Variants in NCAPH2 observed in about 807,000 individuals in gnomAD.
NCAPH2 encodes condensin-2 complex subunit H2.
NCAPH2 carries 56 observed loss-of-function variants against 88.6 expected under a neutral mutation model. That is an observed-to-expected ratio of 0.63 (90% CI 0.51 to 0.79). The LOEUF (loss-of-function observed/expected upper bound fraction) is 0.79, where lower values mean the gene tolerates loss of function less well. Among genes scored for constraint, NCAPH2 ranks in the 30% least tolerant of loss-of-function variants. The pLI, the probability that NCAPH2 is intolerant of heterozygous loss-of-function variation, is 0.00. For missense variants in NCAPH2, 794 were observed against 792.0 expected, an observed-to-expected ratio of 1.00 and a Z score of -0.03; for synonymous variants, 378 against 313.6, an observed-to-expected ratio of 1.21 and a Z score of -2.17.
At chr22:50,518,346 G>A in intron 7 of NCAPH2, 68 bp downstream of exon 7, 1 of 1,568,890 alleles carries the variant, frequency 6.4e-7, no homozygotes, top group Non-Finnish European at 8.6e-7. Context: ...CTCTTGTGGG[G>A]TGCCCTGTGC....
intron 1 of NCAPH2, among the ~76,000 whole-genome samples, chr22:50,512,163 C>T (rs2068801983): frequency 6.6e-6 from 1 of 152,242 alleles, no homozygotes. Flanking sequence ...GGGCAGGGAC[C>T]ATACTTATGC....
intron 10 of NCAPH2, among the ~76,000 whole-genome samples, chr22:50,521,255 C>T (rs753261905): frequency 3.9e-5 from 6 of 152,192 alleles, no homozygotes; most frequent in Admixed American, 1.3e-4. Context: ...GTCGGCTCTG[C>T]CCCAGGCTGT....
rs751567124 is a variant in NCAPH2 at position 50,522,875 on chromosome 22, C to A, written c.1480C>A (p.Arg494Ser). Residue 494 changes from arginine to serine, a missense_variant, in exon 18 of 20, where the codon CGC becomes AGC. By Grantham distance (110) the Arg-to-Ser change is moderately radical. Around this residue, in one of 2 missense-constraint regions of NCAPH2, gnomAD observed 735 missense variants for 696.3 expected, o/e 1.06. Coordinates refer to ENST00000420993, the MANE Select transcript of NCAPH2 (RefSeq NM_152299.4). ...KFVQETELSQ[R>S]IRDWEDTVQP... ...TGTCCAGGAGACAGAGCTGAGCCAG[C>A]GCATCAGGGACTGGGAGGACACAGT... 5.0e-6 allele frequency: 8 copies of A among 1,613,420 alleles called. No individual in the cohort carries two copies. The highest frequency in any genetic ancestry group is 6.8e-6 in the Non-Finnish European group (8 of 1,180,006).
At chr22:50,510,552 C>T (rs770488732) in intron 1 of NCAPH2, among the ~76,000 whole-genome samples, 10 of 152,002 alleles carry the variant, frequency 6.6e-5, no homozygotes, top group East Asian at 5.8e-4. Context: ...CTTGGCCTCC[C>T]GAGTAGCTGG....
chr22:50,521,677 G>C, intron 11 of NCAPH2, 64 bp from the exon 12 acceptor site: 1 of 1,610,458 alleles, frequency 6.2e-7, no homozygotes, highest in African/African-American at 1.3e-5. Flanking sequence ...GAGGTGGGGG[G>C]GTGGGAGTGG....
chr22:50,508,892 C>T (rs1433303103), intron 1 of NCAPH2, among the ~76,000 whole-genome samples: 1 of 152,154 alleles, frequency 6.6e-6, no homozygotes, highest in Non-Finnish European at 1.5e-5. Context: ...GTGTTTCTTC[C>T]ATGTTTGACA....
At chr22:50,510,989 G>A (rs1052432249) in intron 1 of NCAPH2, among the ~76,000 whole-genome samples, 1 of 150,750 alleles carries the variant, frequency 6.6e-6, no homozygotes, top group Non-Finnish European at 1.5e-5. Context: ...TGGGACTACA[G>A]GCACCTGCCA....
chr22:50,519,862 ACTGTTTGTGTTTT>A, intron 9 of NCAPH2: 1 of 716,364 alleles, frequency 1.4e-6, no homozygotes, highest in Non-Finnish European at 1.7e-6. Flanking sequence ...CCCCGTGACC[ACTGTTTGTGTTTT>A]CTGTTTGTTT....
Position 50,521,440 on chromosome 22 carries a change from C to T in NCAPH2, c.934-103C>T, listed in dbSNP as rs920488778. 6.5e-6 allele frequency: 8 copies of T among 1,231,292 alleles called. No homozygotes were observed. The Admixed American group carries it at 1.2e-4, about 19-fold the overall frequency. 76.3% of individuals were successfully genotyped at this position (1,231,292 alleles called of 1,614,324 possible). Reference sequence around the variant, plus strand: ...CCTTTGGGAGCGCGGCTGTGTACCCCCTACTCTTCCTTTGGGAGGGTGGCT... The same window carrying T: ...CCTTTGGGAGCGCGGCTGTGTACCCTCTACTCTTCCTTTGGGAGGGTGGCT... On this transcript the variant is annotated intron_variant, in intron 10 of 19. Coordinates refer to ENST00000420993, the MANE Select transcript of NCAPH2 (RefSeq NM_152299.4).
intron 10 of NCAPH2, 136 bp downstream of exon 10, chr22:50,521,172 A>T (rs1416007707): frequency 3.1e-6 from 3 of 979,512 alleles, no homozygotes; most frequent in African/African-American, 1.6e-5. Flanking sequence ...GCTCTCTTAA[A>T]GACCCCCTCA....
At chr22:50,521,086 G>A (rs760933218) in intron 10 of NCAPH2, 50 bp downstream of exon 10, 13 of 1,536,862 alleles carry the variant, frequency 8.5e-6, no homozygotes, top group African/African-American at 6.9e-5. Flanking sequence ...GGGCGGATTC[G>A]AGGACTGGCT....
Position 50,523,680 on chromosome 22 carries a change from G to A in NCAPH2, c.*305G>A. On this transcript the variant is annotated 3_prime_UTR_variant, in exon 20 of 20. Transcript: ENST00000420993. Reference sequence around the variant, plus strand: ...TGTCTGAGATCTGCTCAGCCGATCTGCTCCGGCCGTAGTAATCCGTGAAGA... The same window carrying A: ...TGTCTGAGATCTGCTCAGCCGATCTACTCCGGCCGTAGTAATCCGTGAAGA... 1 of 1,614,138 alleles carries A rather than the reference G, an allele frequency of 6.2e-7. No individual in the cohort carries two copies. Among genetic ancestry groups the A allele is most frequent in the African/African-American group, 1.3e-5 (1 of 75,056 alleles).
chr22:50,519,831 TC>T (rs1042711874), intron 9 of NCAPH2: 1 of 903,088 alleles, frequency 1.1e-6, no homozygotes, highest in African/African-American at 1.8e-5. Flanking sequence ...TATTCATTTT[TC>T]CTAGTTTTGA....
intron 8 of NCAPH2, 98 bp downstream of exon 8, chr22:50,518,830 C>G: frequency 8.3e-7 from 1 of 1,203,364 alleles, no homozygotes; most frequent in Non-Finnish European, 1.2e-6. Flanking sequence ...CTGCTCTCAG[C>G]TGCCAGCCTC....
rs547698915 is a variant in NCAPH2, at chr22:50,524,329, C to T, written c.*954C>T. 3 of 1,601,840 alleles carry T rather than the reference C, an allele frequency of 1.9e-6. No homozygotes were observed. The highest frequency in any genetic ancestry group is 1.1e-5 in the South Asian group (1 of 91,072). On this transcript the variant is annotated 3_prime_UTR_variant, in exon 20 of 20. Transcript: ENST00000420993. Reference sequence around the variant, plus strand: ...CCAGGACCTCAGATGCAGGGCCTGGCCTCCCAGGGTCCCAGGGAGGACCCG... The same window carrying T: ...CCAGGACCTCAGATGCAGGGCCTGGTCTCCCAGGGTCCCAGGGAGGACCCG...
chr22:50,521,815 C>G lies in NCAPH2; in HGVS notation c.1075C>G (p.Leu359Val), dbSNP rs1212912929. 1.2e-6 allele frequency: 2 copies of G among 1,613,966 alleles called. No homozygotes were observed. Among genetic ancestry groups the G allele is most frequent in the Non-Finnish European group, 8.5e-7 (1 of 1,180,036 alleles). The part of the protein sequence containing the change: ...QKRKRKGAAK[L>V]QDFHQWYLAA... Reference sequence around the variant, plus strand: ...GCGCAAGAGGAAGGGCGCTGCCAAGCTGCAGGACTTCCACCAGTGGTACCT... The same window carrying G: ...GCGCAAGAGGAAGGGCGCTGCCAAGGTGCAGGACTTCCACCAGTGGTACCT... The change falls in exon 12 of 20, where the codon CTG becomes GTG. Residue 359 changes from leucine (L) to valine (V), a missense_variant. Physicochemically the swap from Leu to Val is conservative, Grantham distance 32. Transcript: ENST00000420993.
intron 9 of NCAPH2, chr22:50,519,774 C>G (rs778813292): frequency 1.0e-6 from 1 of 986,494 alleles, no homozygotes; most frequent in South Asian, 4.7e-5. Context: ...GAAATGTTAA[C>G]GTTTCTTCAC....
chr22:50,519,452 C>T (rs2069022778), intron 9 of NCAPH2, 132 bp downstream of exon 9: 4 of 1,458,900 alleles, frequency 2.7e-6, no homozygotes, highest in South Asian at 2.9e-5. Context: ...GGCAGAAGCC[C>T]ACCTGTCTTG....
At chr22:50,519,536 C>T (rs1393042370) in intron 9 of NCAPH2, 11 of 1,357,472 alleles carry the variant, frequency 8.1e-6, no homozygotes, top group Admixed American at 3.3e-5. Context: ...AACTGATGCT[C>T]CTCAGAGTAG....
Sources: allele counts gnomAD v4.1 joint callset (sites outside exome capture counted in the v4.1 genomes callset), GRCh38; gene constraint gnomAD v4.1.1; regional missense constraint gnomAD v4.1.1; transcripts MANE v1.5; gene names NCBI Gene and HGNC (gene_info 2026-07-23, HGNC 2026-07-21).